The following CACNA1A variants were observed in gnomAD, a reference collection of about 807,000 sequenced individuals.
CACNA1A encodes the protein calcium voltage-gated channel subunit alpha1 A.
CACNA1A carries 57 observed loss-of-function variants against 262.4 expected under a neutral mutation model. The ratio of observed to expected loss-of-function variants is 0.22; its 90% CI spans 0.18 to 0.27. The LOEUF (loss-of-function observed/expected upper bound fraction) is 0.27. CACNA1A is among the 10% of genes least tolerant of loss of function. The pLI is 1.00. For synonymous variants in CACNA1A, 1,431 were observed against 1,419.3 expected (o/e 1.01, Z -0.18); for missense variants, 2,526 against 3,562.8 (o/e 0.71, Z 7.41).
intron 1 of CACNA1A, among the ~76,000 whole-genome samples, chr19:13,499,440 C>CG (rs1982080574): frequency 6.4e-5 from 2 of 31,102 alleles, no homozygotes; most frequent in African/African-American, 4.7e-4. Context: ...TGACCAGTCG[C>CG]AGGGGGTGGT....
Position 13,230,351 on chromosome 19 carries a change from G to C in CACNA1A, c.5401-142C>G. 6.3e-6 allele frequency: 5 copies of C among 789,632 alleles called. No individual in the cohort carries two copies. The South Asian group carries it at 9.7e-5, about 15-fold the overall frequency. 48.9% of individuals were successfully genotyped at this position (789,632 alleles called of 1,614,324 possible). A position where few individuals can be genotyped will look rare whatever the true frequency, so the allele number is the denominator to read the frequency against. The stretch of plus-strand genomic sequence containing the variant: ...AGGCCCAGATGGAGAGAGGGATAGA[G>C]AGAAGATGGGGAAAGGAAATGAGAC... On this transcript the variant is annotated intron_variant, in intron 35 of 46. Coordinates refer to ENST00000360228, the MANE Select transcript of CACNA1A (RefSeq NM_001127222.2).
rs141618299 is a variant in CACNA1A, at chr19:13,271,257, G to A, written c.3989+4593C>T. 94 of 113,092 alleles carry A rather than the reference G, an allele frequency of 8.3e-4. No individual in the cohort carries two copies. The East Asian group carries it at 8.8e-3, about 11-fold the overall frequency. 7.0% of individuals were successfully genotyped at this position (113,092 alleles called of 1,614,324 possible). A position where few individuals can be genotyped will look rare whatever the true frequency, so the allele number is the denominator to read the frequency against. ...TTTTTTTGAGATGGAGTCTTGCTCC[G>A]TCACCCAGGCTGGAGTGCAGTGGCA... On this transcript the variant is annotated intron_variant, in intron 24 of 46. Transcript: ENST00000360228.
chr19:13,262,937 A>G, intron 24 of CACNA1A, 104 bp from the exon 25 acceptor site: 1 of 766,618 alleles, frequency 1.3e-6, no homozygotes, highest in Non-Finnish European at 2.3e-6. Flanking sequence ...TCCCAGGCCT[A>G]GAAGTCTGGG....
At chr19:13,254,118 T>C (rs735386) in intron 29 of CACNA1A, among the ~76,000 whole-genome samples, 85,218 of 151,964 alleles carry the variant, frequency 0.56, 24,717 homozygotes, top group Non-Finnish European at 0.64. Context: ...TCACCTCCTC[T>C]GGAGGGGGCA....
chr19:13,488,923 C>T (rs192081966), intron 1 of CACNA1A, among the ~76,000 whole-genome samples: 1 of 151,926 alleles, frequency 6.6e-6, no homozygotes, highest in Admixed American at 6.6e-5. Flanking sequence ...GTCACTAAGC[C>T]ACACAGGGTC....
At chr19:13,359,854 G>T (rs1336551676) in intron 5 of CACNA1A, 55 bp from the exon 6 acceptor site, 36 of 1,203,692 alleles carry the variant, frequency 3.0e-5, no homozygotes, top group Non-Finnish European at 3.9e-5. Flanking sequence ...AACCAGCTCT[G>T]AGAAATAGGG....
chr19:13,497,568 AT>A (rs1568710045), intron 1 of CACNA1A, among the ~76,000 whole-genome samples: 360 of 35,752 alleles, frequency 0.01, 92 homozygotes, highest in East Asian at 0.014. Context: ...ATATATATAT[AT>A]ATATATATAT....
chr19:13,457,051 A>G (rs1319132077), intron 1 of CACNA1A, among the ~76,000 whole-genome samples: 1 of 152,070 alleles, frequency 6.6e-6, no homozygotes, highest in African/African-American at 2.4e-5. Flanking sequence ...GGAGTCCGAG[A>G]CCAGCCTAGG....
At position 13,214,545 on chromosome 19, in the gene CACNA1A, T is replaced by C. The variant is rs1205866071; in HGVS notation, c.5795A>G (p.Asn1932Ser). 4 of 1,613,876 alleles carry C rather than the reference T, an allele frequency of 2.5e-6. No homozygotes were observed. The highest frequency in any genetic ancestry group is 1.1e-5 in the South Asian group (1 of 91,088). The change falls in exon 39 of 47, where the codon AAT (asparagine) becomes AGT (serine). Residue 1932 changes from asparagine (N) to serine (S), a missense_variant. This residue lies in a region of CACNA1A where 112 missense variants were observed against 197.2 expected (regional missense o/e 0.57). Coordinates refer to ENST00000360228, the MANE Select transcript of CACNA1A (RefSeq NM_001127222.2). This position sits in a 1 kb window ranked among gnomAD's most constrained non-coding sequence, Gnocchi z 4.1. ...CAGGTCTAGCGTCTTCTGGGACAGA[T>C]TGGGCCAAATCGCCATCATCTCCTT... ...LRKEMMAIWP[N>S]LSQKTLDLLV...
At chr19:13,502,390 G>A (rs985120480) in intron 1 of CACNA1A, among the ~76,000 whole-genome samples, 3 of 152,214 alleles carry the variant, frequency 2.0e-5, no homozygotes, top group Non-Finnish European at 2.9e-5. Context: ...TTCAGTGGGA[G>A]ACCTGGTGGC....
intron 6 of CACNA1A, among the ~76,000 whole-genome samples, chr19:13,348,608 C>T (rs746607897): frequency 2.9e-4 from 44 of 152,128 alleles, no homozygotes; most frequent in Non-Finnish European, 5.4e-4. Context: ...GAGGCCAAGG[C>T]GGGCGAATCA....
At chr19:13,360,367 T>G (rs1376596662) in intron 5 of CACNA1A, among the ~76,000 whole-genome samples, 1 of 151,342 alleles carries the variant, frequency 6.6e-6, no homozygotes, top group Non-Finnish European at 1.5e-5. Flanking sequence ...ATATAATGAT[T>G]CACCATGTAC....
intron 5 of CACNA1A, among the ~76,000 whole-genome samples, chr19:13,361,270 A>G (rs1599282041): frequency 6.6e-6 from 1 of 152,286 alleles, no homozygotes; most frequent in East Asian, 1.9e-4. Context: ...GAAACGTGCC[A>G]ACAGACACCC....
chr19:13,483,164 A>C (rs571124037), intron 1 of CACNA1A, among the ~76,000 whole-genome samples: 4 of 151,698 alleles, frequency 2.6e-5, no homozygotes, highest in Admixed American at 2.6e-4. Flanking sequence ...GAGCCTTCAT[A>C]CTCTTTTCCT....
At chr19:13,268,162 A>G (rs1345057145) in intron 24 of CACNA1A, among the ~76,000 whole-genome samples, 1 of 152,112 alleles carries the variant, frequency 6.6e-6, no homozygotes, top group Non-Finnish European at 1.5e-5. Flanking sequence ...GCTCTTTATG[A>G]AGGAGGGGGT....
At chr19:13,494,786 A>G (rs1353720383) in intron 1 of CACNA1A, among the ~76,000 whole-genome samples, 1 of 152,124 alleles carries the variant, frequency 6.6e-6, no homozygotes, top group African/African-American at 2.4e-5. Context: ...GGCCCACACA[A>G]GTTTAAAACC....
chr19:13,430,188 T>C (rs1345205965), intron 3 of CACNA1A, among the ~76,000 whole-genome samples: 2 of 148,236 alleles, frequency 1.3e-5, no homozygotes, highest in Admixed American at 1.3e-4. Flanking sequence ...ATGTTATGCA[T>C]ATGTTACCAC....
intron 3 of CACNA1A, among the ~76,000 whole-genome samples, chr19:13,427,791 A>G (rs899337703): frequency 2.8e-4 from 43 of 152,170 alleles, no homozygotes; most frequent in African/African-American, 9.4e-4. Flanking sequence ...ACAAACAAAC[A>G]AACAAACAAA....
At chr19:13,359,900 T>G in intron 5 of CACNA1A, 101 bp from the exon 6 acceptor site, 1 of 746,414 alleles carries the variant, frequency 1.3e-6, no homozygotes, top group Non-Finnish European at 2.1e-6. Context: ...AACGAATAAC[T>G]TTTGGGACAA....
Sources: gnomAD v4.1 joint callset for allele counts (sites outside exome capture counted in the v4.1 genomes callset) on GRCh38, gnomAD v4.1.1 for gene constraint, gnomAD v4.1.1 regional missense constraint, Gnocchi (gnomAD v3.1) non-coding constraint, MANE v1.5 for transcripts, NCBI Gene and HGNC (gene_info 2026-07-23, HGNC 2026-07-21) for gene names.